COX10: variants seen among roughly 807,000 people sequenced by gnomAD.
The protein encoded by COX10 is cytochrome c oxidase assembly factor heme A:farnesyltransferase COX10, also known as protoheme IX farnesyltransferase, mitochondrial.
Under a neutral mutation model 37.3 loss-of-function variants are expected in COX10, and 27 were observed. The observed-to-expected ratio is 0.72, with a 90% CI of 0.53 to 1.00. The LOEUF (loss-of-function observed/expected upper bound fraction) is 1.00, where lower values mean the gene tolerates loss of function less well. Among genes scored for constraint, COX10 ranks in the 50% least tolerant of loss-of-function variants. The probability of loss-of-function intolerance (pLI) is 0.00; values close to 1 mark genes in which losing one functional copy is unlikely to be tolerated. For missense variants in COX10, 475 were observed against 563.2 expected, an observed-to-expected ratio of 0.84 and a Z score of 1.59; for synonymous variants, 222 against 229.1, an observed-to-expected ratio of 0.97 and a Z score of 0.28.
At chr17:14,073,237 G>A (rs541640775) in intron 1 of COX10, among the ~76,000 whole-genome samples, 73 of 152,318 alleles carry the variant, frequency 4.8e-4, no homozygotes, top group African/African-American at 1.5e-3. Flanking sequence ...TAGTCCAAAT[G>A]TAAGATGATG....
intron 3 of COX10, among the ~76,000 whole-genome samples, chr17:14,084,848 C>T (rs1265284254): frequency 2.6e-5 from 4 of 152,042 alleles, no homozygotes; most frequent in Admixed American, 2.0e-4. Flanking sequence ...TTAGTAGAGA[C>T]GGGGTTTCGC....
At chr17:14,098,461 C>CA (rs142803852) in intron 3 of COX10, among the ~76,000 whole-genome samples, 141 of 151,714 alleles carry the variant, frequency 9.3e-4, no homozygotes, top group Middle Eastern at 3.4e-3. Flanking sequence ...TTGAGTCTTG[C>CA]AAAAAAAATG....
rs2230355 is a variant in COX10, at chr17:14,206,919, G to A, written c.1038G>A (p.Ser346=). 7.4e-3 allele frequency: 11,967 copies of A among 1,613,732 alleles called. 296 individuals are homozygous for A. The African/African-American group carries it at 0.081, about 11-fold the overall frequency. The change falls in exon 7 of 7, where the codon TCG becomes TCA. Residue 346 remains serine (S), a synonymous_variant. Coordinates refer to ENST00000261643, the MANE Select transcript of COX10 (RefSeq NM_001303.4). ...CCCGGGGCGGCTACTGCATGATGTC[G>A]GTCACCCACCCGGGCCTGTGCCGGC... is the stretch of plus-strand genomic sequence containing the variant. The part of the protein sequence containing the change: ...DYSRGGYCMM[S]VTHPGLCRRV...
chr17:14,087,491 G>A (rs369737883), intron 3 of COX10, among the ~76,000 whole-genome samples: 2 of 152,070 alleles, frequency 1.3e-5, no homozygotes, highest in African/African-American at 4.8e-5. Context: ...CGTAGTAAGC[G>A]CTCATTGTGT....
At chr17:14,150,472 T>G (rs1904861401) in intron 4 of COX10, among the ~76,000 whole-genome samples, 1 of 152,168 alleles carries the variant, frequency 6.6e-6, no homozygotes, top group Admixed American at 6.5e-5. Context: ...ATTAGGATGT[T>G]GGAGGTTAAA....
chr17:14,157,210 G>A (rs935731235), intron 4 of COX10, among the ~76,000 whole-genome samples: 1 of 152,224 alleles, frequency 6.6e-6, no homozygotes, highest in East Asian at 1.9e-4. Context: ...ATGAGCTACA[G>A]TTTGCCGACA....
chr17:14,197,268 C>T (rs976179889), intron 6 of COX10, among the ~76,000 whole-genome samples: 1 of 152,146 alleles, frequency 6.6e-6, no homozygotes, highest in African/African-American at 2.4e-5. Flanking sequence ...TACCTTTTCC[C>T]CTTTGTGGTG....
chr17:14,177,182 T>G (rs1174845979), intron 5 of COX10: 21 of 693,838 alleles, frequency 3.0e-5, no homozygotes, highest in Non-Finnish European at 4.4e-5. Flanking sequence ...ATGTCTCGTC[T>G]TCTTCATCTG....
intron 4 of COX10, among the ~76,000 whole-genome samples, chr17:14,158,104 GGGAATCC>G (rs1259687304): frequency 2.0e-5 from 3 of 152,066 alleles, no homozygotes; most frequent in Admixed American, 2.0e-4. Context: ...ATGAATGACA[GGGAATCC>G]TCACTGTGGG....
chr17:14,112,817 C>T (rs1916032692), intron 4 of COX10, among the ~76,000 whole-genome samples: 1 of 152,018 alleles, frequency 6.6e-6, no homozygotes, highest in Non-Finnish European at 1.5e-5. Context: ...CATGGAGGAC[C>T]ATTTGGGGAA....
At chr17:14,152,163 A>G (rs1011352595) in intron 4 of COX10, among the ~76,000 whole-genome samples, 2 of 152,212 alleles carry the variant, frequency 1.3e-5, no homozygotes, top group Non-Finnish European at 2.9e-5. Context: ...GCAGGATATA[A>G]GGGCTGTATA....
At position 14,180,477 on chromosome 17, in the gene COX10, G is replaced by C. The variant is rs533072115; in HGVS notation, c.696-11512G>C. On this transcript the variant is annotated intron_variant, in intron 5 of 6. Coordinates refer to ENST00000261643, the MANE Select transcript of COX10 (RefSeq NM_001303.4). ...ACAATGGTTGAACAAGAGGAACGCT[G>C]CTGGGATTTTCTGAAAGTTACACTC... Among the ~76,000 whole-genome samples the C allele has an allele frequency of 5.9e-5, 9 of 152,246 alleles. No individual in the cohort carries two copies. The South Asian group carries it at 1.7e-3, about 28-fold the overall frequency.
At chr17:14,096,297 C>T (rs138058876) in intron 3 of COX10, among the ~76,000 whole-genome samples, 102 of 151,750 alleles carry the variant, frequency 6.7e-4, no homozygotes, top group African/African-American at 2.4e-3. Flanking sequence ...CTGAGGGGAC[C>T]AACTTTCAGA....
At chr17:14,077,650 G>A (rs533927969) in intron 3 of COX10, among the ~76,000 whole-genome samples, 2 of 152,348 alleles carry the variant, frequency 1.3e-5, no homozygotes, top group African/African-American at 2.4e-5. Context: ...AAGTCAGACA[G>A]AGCATTATTA....
chr17:14,159,792 T>C (rs1905134410), intron 4 of COX10, 85 bp from the exon 5 acceptor site: 1 of 1,015,222 alleles, frequency 9.9e-7, no homozygotes, highest in Non-Finnish European at 1.5e-6. Context: ...TGAAGTTTAC[T>C]ACAGAAAAAA....
chr17:14,168,995 G>A (rs945292355), intron 5 of COX10, among the ~76,000 whole-genome samples: 4 of 152,214 alleles, frequency 2.6e-5, no homozygotes, highest in African/African-American at 9.6e-5. Context: ...CACATGGTAA[G>A]GCTGTAGATT....
chr17:14,137,251 ATATATT>A (rs1904402290), intron 4 of COX10, among the ~76,000 whole-genome samples: 1 of 151,002 alleles, frequency 6.6e-6, no homozygotes, highest in Non-Finnish European at 1.5e-5. Context: ...ATATGTGCAA[ATATATT>A]TATATATTAT....
rs1916120230 is a variant in COX10, at chr17:14,116,666, C to CAA, written c.624+14425_624+14426insAA. Reference sequence around the variant, plus strand: ...GTGTGCATGCATGTACACACACACACACACACACACGTGTTAGCTGTGGAA... The same window carrying CAA: ...GTGTGCATGCATGTACACACACACACAAACACACACACGTGTTAGCTGTGGAA... On this transcript the variant is annotated intron_variant, in intron 4 of 6. Transcript: ENST00000261643. 9.2e-5 allele frequency among the ~76,000 whole-genome samples: 14 copies of CAA among 151,960 alleles called. No homozygotes were observed. The South Asian group carries it at 2.7e-3, about 29-fold the overall frequency.
At chr17:14,170,820 G>C (rs1905444329) in intron 5 of COX10, among the ~76,000 whole-genome samples, 1 of 151,994 alleles carries the variant, frequency 6.6e-6, no homozygotes, top group African/African-American at 2.4e-5. Context: ...CTGTCTCAGA[G>C]AAAAGAAAAA....
Sources: allele counts gnomAD v4.1 joint callset (sites outside exome capture counted in the v4.1 genomes callset), GRCh38; gene constraint gnomAD v4.1.1; transcripts MANE v1.5; gene names NCBI Gene and HGNC (gene_info 2026-07-23, HGNC 2026-07-21).